Variants in KHDRBS2 observed in about 807,000 individuals in gnomAD.
The protein encoded by KHDRBS2 is KH domain-containing, RNA-binding, signal transduction-associated protein 2.
A neutral mutation model predicts 44.3 loss-of-function variants in KHDRBS2; 26 were observed. That is an observed-to-expected ratio of 0.59 (90% confidence interval 0.43 to 0.81). The LOEUF (loss-of-function observed/expected upper bound fraction) is 0.81, where lower values mean the gene tolerates loss of function less well. Ranked by LOEUF, KHDRBS2 falls within the 40% of genes least tolerant of loss-of-function variation. The probability of loss-of-function intolerance (pLI) is 0.00; values close to 1 mark genes in which losing one functional copy is unlikely to be tolerated. For synonymous variants in KHDRBS2, 194 were observed against 151.1 expected (o/e 1.28, Z -2.08); for missense variants, 476 against 433.1 (o/e 1.10, Z -0.88).
intron 6 of KHDRBS2, among the ~76,000 whole-genome samples, chr6:61,753,680 C>T (rs960057315): frequency 3.3e-5 from 5 of 152,136 alleles, no homozygotes; most frequent in Admixed American, 2.6e-4. Context: ...TCCTATAACC[C>T]TTCAACTCTG....
At chr6:61,822,956 T>C (rs1239967493) in intron 6 of KHDRBS2, among the ~76,000 whole-genome samples, 3 of 152,056 alleles carry the variant, frequency 2.0e-5, no homozygotes, top group Admixed American at 6.6e-5. Context: ...CACCAGTTGG[T>C]CATCTCCATA....
chr6:61,774,767 G>C (rs1014156995), intron 6 of KHDRBS2, among the ~76,000 whole-genome samples: 4 of 152,122 alleles, frequency 2.6e-5, no homozygotes, highest in Admixed American at 1.3e-4. Flanking sequence ...TAGAAAAAGA[G>C]GGAATCCTCC....
intron 4 of KHDRBS2, among the ~76,000 whole-genome samples, chr6:61,927,991 T>C (rs936464298): frequency 6.6e-6 from 1 of 152,134 alleles, no homozygotes; most frequent in Non-Finnish European, 1.5e-5. Context: ...TCTTGGATAC[T>C]GCTTACACAG....
intron 4 of KHDRBS2, among the ~76,000 whole-genome samples, chr6:61,955,145 T>C (rs1259576152): frequency 6.9e-6 from 1 of 144,822 alleles, no homozygotes; most frequent in African/African-American, 2.5e-5. Flanking sequence ...TATATACACA[T>C]ACGTGTGTAT....
intron 1 of KHDRBS2, 65 bp downstream of exon 1, chr6:62,285,793 C>T (rs1842403324): frequency 1.7e-6 from 2 of 1,169,098 alleles, no homozygotes. Flanking sequence ...CTTCACTCCC[C>T]TAATCAAGCC....
At chr6:62,233,583 A>T (rs572198930) in intron 1 of KHDRBS2, among the ~76,000 whole-genome samples, 1 of 151,950 alleles carries the variant, frequency 6.6e-6, no homozygotes, top group Admixed American at 6.6e-5. Context: ...TTATTTCATC[A>T]CCTAGATATT....
chr6:62,098,976 G>T (rs1801253268), intron 2 of KHDRBS2, among the ~76,000 whole-genome samples: 1 of 151,898 alleles, frequency 6.6e-6, no homozygotes, highest in South Asian at 2.1e-4. Context: ...CAGGATTTCT[G>T]TTGGATTTTT....
chr6:61,606,822 G>A, the KHDRBS2 span, among the ~76,000 whole-genome samples: 5 of 152,252 alleles, frequency 3.3e-5, no homozygotes, highest in African/African-American at 1.2e-4. Context: ...TCCACAAAAA[G>A]CAGCTTTTCA....
intron 2 of KHDRBS2, among the ~76,000 whole-genome samples, chr6:62,134,691 G>A (rs1409990514): frequency 1.3e-5 from 2 of 152,182 alleles, no homozygotes; most frequent in African/African-American, 2.4e-5. Context: ...CAGAGGCAGA[G>A]CTTCCCACGA....
At chr6:62,202,630 TG>T (rs1248130673) in intron 1 of KHDRBS2, among the ~76,000 whole-genome samples, 1 of 152,060 alleles carries the variant, frequency 6.6e-6, no homozygotes, top group African/African-American at 2.4e-5. Flanking sequence ...AGATATGTTA[TG>T]GAAAAGGAAA....
chr6:61,766,129 C>T (rs1484138317), intron 6 of KHDRBS2, among the ~76,000 whole-genome samples: 1 of 151,386 alleles, frequency 6.6e-6, no homozygotes, highest in Admixed American at 6.6e-5. Flanking sequence ...TGCTGGAAGA[C>T]TTTTCATTAT....
intron 4 of KHDRBS2, among the ~76,000 whole-genome samples, chr6:61,911,768 T>C (rs1338237622): frequency 6.6e-6 from 1 of 152,100 alleles, no homozygotes; most frequent in Non-Finnish European, 1.5e-5. Context: ...AGCTACTCTG[T>C]CATAGCAACT....
At chr6:61,597,252 G>A in the KHDRBS2 span, among the ~76,000 whole-genome samples, 14 of 152,150 alleles carry the variant, frequency 9.2e-5, no homozygotes, top group Admixed American at 9.2e-4. Context: ...TTTACAAAGA[G>A]TTTAAAAATA....
intron 2 of KHDRBS2, among the ~76,000 whole-genome samples, chr6:62,137,054 G>A (rs1253523654): frequency 7.5e-6 from 1 of 132,714 alleles, no homozygotes; most frequent in East Asian, 2.3e-4. Flanking sequence ...AGGTTGGAGT[G>A]CAGTGGCGCG....
rs1562295017 is a variant in KHDRBS2 at position 61,848,551 on chromosome 6, ACATATATATATG to A, written c.810+46072_810+46083del. Among the ~76,000 whole-genome samples the A allele has an allele frequency of 5.1e-4, 22 of 42,812 alleles. 1 individual carries two copies. Among genetic ancestry groups the A allele is most frequent in the African/African-American group, 3.0e-3 (12 of 4,014 alleles). The allele number at this position is 42,812 out of a possible 152,430, so 28.1% of individuals were successfully genotyped here. The stretch of plus-strand genomic sequence containing the variant: ...TATATACATATATATGTATATATAT[ACATATATATATG>A]TATATATATATACATATATATATAT... On this transcript the variant is annotated intron_variant, in intron 6 of 8. Transcript: ENST00000281156.
chr6:61,642,769 T>C, the KHDRBS2 span, among the ~76,000 whole-genome samples: 1 of 152,198 alleles, frequency 6.6e-6, no homozygotes, highest in Non-Finnish European at 1.5e-5. Context: ...AATGCCATCA[T>C]GTTCCAACAA....
chr6:61,653,871 C>G, the KHDRBS2 span, among the ~76,000 whole-genome samples: 11 of 141,430 alleles, frequency 7.8e-5, no homozygotes, highest in African/African-American at 2.1e-4. Flanking sequence ...TTATAAAATA[C>G]TATTTTTAGA....
intron 2 of KHDRBS2, among the ~76,000 whole-genome samples, chr6:62,112,356 A>T (rs1805200284): frequency 6.6e-6 from 1 of 152,150 alleles, no homozygotes; most frequent in Non-Finnish European, 1.5e-5. Flanking sequence ...GGGGGAAATG[A>T]TTACTGTATG....
chr6:62,209,384 AT>A (rs1828619748), intron 1 of KHDRBS2, among the ~76,000 whole-genome samples: 1 of 152,154 alleles, frequency 6.6e-6, no homozygotes, highest in African/African-American at 2.4e-5. Context: ...AATGAGCTTC[AT>A]TTTTGTGATT....
Sources: gnomAD v4.1 joint callset for allele counts (sites outside exome capture counted in the v4.1 genomes callset) on GRCh38, gnomAD v4.1.1 for gene constraint, MANE v1.5 for transcripts, NCBI Gene and HGNC (gene_info 2026-07-23, HGNC 2026-07-21) for gene names.